The following ABCA1 variants were observed in gnomAD, a reference collection of about 807,000 sequenced individuals.
The protein encoded by ABCA1 is phospholipid-transporting ATPase ABCA1.
A neutral mutation model predicts 262.5 loss-of-function variants in ABCA1; 133 were observed. The ratio of observed to expected loss-of-function variants is 0.51; its 90% CI spans 0.44 to 0.59. The LOEUF (loss-of-function observed/expected upper bound fraction) is 0.59, where lower values mean the gene tolerates loss of function less well. Among genes scored for constraint, ABCA1 ranks in the 20% least tolerant of loss-of-function variants. ABCA1 has a pLI of 0.00. For synonymous variants in ABCA1, 1,022 were observed against 1,043.5 expected (o/e 0.98, Z 0.40); for missense variants, 2,452 against 2,777.5 (o/e 0.88, Z 2.63).
intron 1 of ABCA1, among the ~76,000 whole-genome samples, chr9:104,909,034 T>C (rs922168401): frequency 3.3e-5 from 5 of 152,220 alleles, no homozygotes; most frequent in African/African-American, 1.2e-4. Flanking sequence ...CCTTCTATTA[T>C]CATAATTAAC....
At chr9:104,854,688 A>C (rs1461710821) in intron 7 of ABCA1, among the ~76,000 whole-genome samples, 4 of 152,192 alleles carry the variant, frequency 2.6e-5, no homozygotes, top group Non-Finnish European at 5.9e-5. Context: ...CACCTTGCTG[A>C]GCAGCAAGAC....
At chr9:104,792,671 A>T (rs1829527639) in intron 42 of ABCA1, 115 bp downstream of exon 42, 1 of 1,302,892 alleles carries the variant, frequency 7.7e-7, no homozygotes, top group East Asian at 2.3e-5. Context: ...CTTGGTATAG[A>T]TGTACATTTT....
chr9:104,862,679 C>CAGGGCAGGGCAGGGCAGGGCAGGGCA lies in ABCA1; in HGVS notation c.422-880_422-879insTGCCCTGCCCTGCCCTGCCCTGCCCT, dbSNP rs1564199103. 1.5e-3 allele frequency among the ~76,000 whole-genome samples: 14 copies of CAGGGCAGGGCAGGGCAGGGCAGGGCA among 9,476 alleles called. 3 individuals are homozygous for CAGGGCAGGGCAGGGCAGGGCAGGGCA. The highest frequency in any genetic ancestry group is 5.5e-3 in the African/African-American group (14 of 2,548). 6.2% of individuals were successfully genotyped at this position (9,476 alleles called of 152,430 possible). A position where few individuals can be genotyped will look rare whatever the true frequency, so the allele number is the denominator to read the frequency against. On this transcript the variant is annotated intron_variant, in intron 5 of 49. Coordinates refer to ENST00000374736, the MANE Select transcript of ABCA1 (RefSeq NM_005502.4). ...CGGGCCGGGCCGGGCCGGGCCGGGC[C>CAGGGCAGGGCAGGGCAGGGCAGGGCA]GGGCCGGGCCGGGCCGGGCCGGCCC...
chr9:104,798,738 G>T, intron 36 of ABCA1, 140 bp from the exon 37 acceptor site: 1 of 761,466 alleles, frequency 1.3e-6, no homozygotes, highest in Non-Finnish European at 2.3e-6. Flanking sequence ...AAAAACATCT[G>T]TTCACCAGAC....
intron 1 of ABCA1, among the ~76,000 whole-genome samples, chr9:104,904,064 C>T (rs72735011): frequency 0.015 from 2,330 of 152,264 alleles, 27 homozygotes; most frequent in Non-Finnish European, 0.022. Flanking sequence ...GAAAATAGAC[C>T]TCTCTCAGGT....
At position 104,818,571 on chromosome 9, in the gene ABCA1, G is replaced by C. The variant is rs1831987825; in HGVS notation, c.3462+92C>G. 5 of 1,247,230 alleles carry C rather than the reference G, an allele frequency of 4.0e-6. No individual in the cohort carries two copies. In the African/African-American group the frequency reaches 4.4e-5, roughly 11 times the overall value. The allele number at this position is 1,247,230 out of a possible 1,614,324, so 77.3% of individuals were successfully genotyped here. On this transcript the variant is annotated intron_variant, in intron 23 of 49. Transcript: ENST00000374736. ...GCAGGGAGATGGTGGTTTCAACATG[G>C]CAAAAGGGGTGGAGATGGAGAAATC... is the stretch of plus-strand genomic sequence containing the variant.
chr9:104,811,493 T>C (rs144914097), intron 28 of ABCA1, among the ~76,000 whole-genome samples: 1 of 152,346 alleles, frequency 6.6e-6, no homozygotes, highest in African/African-American at 2.4e-5. Context: ...TCTCCCATGA[T>C]AGTCTCAGAA....
chr9:104,862,689 C>CAGGGCAGGGCAGGGCAGGGCAGGGCA (rs1836696985), intron 5 of ABCA1, among the ~76,000 whole-genome samples: 1 of 3,318 alleles, frequency 3.0e-4, no homozygotes, highest in African/African-American at 1.1e-3. Flanking sequence ...CGGGCCGGGC[C>CAGGGCAGGGCAGGGCAGGGCAGGGCA]GGGCCGGGCC....
chr9:104,802,599 C>T (rs1031517088), intron 33 of ABCA1, among the ~76,000 whole-genome samples: 2 of 152,230 alleles, frequency 1.3e-5, no homozygotes, highest in Non-Finnish European at 2.9e-5. Flanking sequence ...GGGCCTGCGT[C>T]TGCTCTGCCC....
At chr9:104,809,958 CTT>C (rs1305302540) in intron 29 of ABCA1, among the ~76,000 whole-genome samples, 1 of 151,928 alleles carries the variant, frequency 6.6e-6, no homozygotes, top group Non-Finnish European at 1.5e-5. Context: ...GGCAAGAAAA[CTT>C]TGTACTCTTT....
At chr9:104,890,396 A>G (rs1161311354) in intron 2 of ABCA1, among the ~76,000 whole-genome samples, 1 of 152,164 alleles carries the variant, frequency 6.6e-6, no homozygotes, top group African/African-American at 2.4e-5. Flanking sequence ...CCTGGCCAAC[A>G]TGGTGAAACC....
Position 104,903,734 on chromosome 9 carries a change from C to G in ABCA1, c.-55G>C. ...GCTCGGGAGCCCTGGAAGGCAGCGG[C>G]CAGAGCTCACAGCAGGGACGCCGTG... On this transcript the variant is annotated 5_prime_UTR_variant, in exon 2 of 50. Transcript: ENST00000374736. The G allele has an allele frequency of 1.3e-6, 2 of 1,520,978 alleles. No individual in the cohort carries two copies. Among genetic ancestry groups the G allele is most frequent in the Non-Finnish European group, 1.8e-6 (2 of 1,118,846 alleles). The allele number at this position is 1,520,978 out of a possible 1,614,324, so 94.2% of individuals were successfully genotyped here. A position where few individuals can be genotyped will look rare whatever the true frequency, so the allele number is the denominator to read the frequency against.
chr9:104,794,851 G>A (rs561618860), intron 39 of ABCA1, among the ~76,000 whole-genome samples: 4 of 152,184 alleles, frequency 2.6e-5, no homozygotes, highest in African/African-American at 9.6e-5. Context: ...CTCATGTCTG[G>A]GTCAATATTT....
At position 104,813,296 on chromosome 9, in the gene ABCA1, A is replaced by C. The variant is rs143566814; in HGVS notation, c.3902-574T>G. On this transcript the variant is annotated intron_variant, in intron 27 of 49. Transcript: ENST00000374736. ...AAATTTTCTAGAAATCCTTGTCCTA[A>C]ACTAATGATACCTAACTGATGTGCT... is the stretch of plus-strand genomic sequence containing the variant. Among the ~76,000 whole-genome samples, 1,190 of 152,336 alleles carry C rather than the reference A, an allele frequency of 7.8e-3. 13 individuals are homozygous for C. Among genetic ancestry groups the C allele is most frequent in the Non-Finnish European group, 0.013 (861 of 68,028 alleles).
chr9:104,924,124 C>T (rs2487052), intron 1 of ABCA1, among the ~76,000 whole-genome samples: 28,490 of 152,126 alleles, frequency 0.19, 3,105 homozygotes, highest in South Asian at 0.34. Flanking sequence ...CTATTCAACA[C>T]TGCAATAACT....
chr9:104,900,280 A>C (rs1191880630), intron 2 of ABCA1, among the ~76,000 whole-genome samples: 1 of 152,174 alleles, frequency 6.6e-6, no homozygotes, highest in Non-Finnish European at 1.5e-5. Context: ...CAAGACCTGC[A>C]AACTAATGGG....
chr9:104,894,755 G>C (rs1467660791), intron 2 of ABCA1, among the ~76,000 whole-genome samples: 2 of 152,230 alleles, frequency 1.3e-5, no homozygotes, highest in Non-Finnish European at 2.9e-5. Flanking sequence ...AGCCCTTGCT[G>C]AGCTGGGAGA....
At chr9:104,792,287 A>G (rs1157137066) in intron 42 of ABCA1, among the ~76,000 whole-genome samples, 1 of 152,210 alleles carries the variant, frequency 6.6e-6, no homozygotes, top group Non-Finnish European at 1.5e-5. Context: ...CAACATATAT[A>G]TGTATTGCAG....
chr9:104,818,525 T>C lies in ABCA1; in HGVS notation c.3462+138A>G, dbSNP rs374678584. ...AGCTTTCCATGCCTTAAGTATGATA[T>C]GATTTCAAAGGGGCAACAGAGCAGG... On this transcript the variant is annotated intron_variant, in intron 23 of 49. Coordinates refer to ENST00000374736, the MANE Select transcript of ABCA1 (RefSeq NM_005502.4). The C allele has an allele frequency of 1.9e-3, 1,568 of 836,924 alleles. 4 individuals are homozygous for C. The highest frequency in any genetic ancestry group is 2.8e-3 in the Non-Finnish European group (1,412 of 497,836). 51.8% of individuals were successfully genotyped at this position (836,924 alleles called of 1,614,324 possible).
Sources: gnomAD v4.1 joint callset for allele counts (sites outside exome capture counted in the v4.1 genomes callset) on GRCh38, gnomAD v4.1.1 for gene constraint, MANE v1.5 for transcripts, NCBI Gene and HGNC (gene_info 2026-07-23, HGNC 2026-07-21) for gene names.